The following KCNQ1 variants were observed in gnomAD, a reference collection of about 807,000 sequenced individuals.
KCNQ1 encodes potassium voltage-gated channel subfamily Q member 1.
A neutral mutation model predicts 72.4 loss-of-function variants in KCNQ1; 49 were observed. That is an observed-to-expected ratio of 0.68 (90% confidence interval 0.54 to 0.86). The LOEUF (loss-of-function observed/expected upper bound fraction) is 0.86. KCNQ1 is among the 40% of genes least tolerant of loss of function. KCNQ1 has a pLI of 0.00. For synonymous variants in KCNQ1, 450 were observed against 412.6 expected (o/e 1.09, Z -1.10); for missense variants, 790 against 945.1 (o/e 0.84, Z 2.15).
rs1472311135 is a variant in KCNQ1 at position 2,479,121 on chromosome 11, C to G, written c.386+33637C>G. Among the ~76,000 whole-genome samples, 1 of 152,230 alleles carries G rather than the reference C, an allele frequency of 6.6e-6. No individual in the cohort carries two copies. The highest frequency in any genetic ancestry group is 2.4e-5 in the African/African-American group (1 of 41,464). ...TCTGCCCCTCTGGCTTTGCAGGGTA[C>G]AGCCTCCCTCCTGGCTGCTTTCACA... On this transcript the variant is annotated intron_variant, in intron 1 of 15. Coordinates refer to ENST00000155840, the MANE Select transcript of KCNQ1 (RefSeq NM_000218.3). The surrounding 1 kb of genome is among the most constrained non-coding windows in gnomAD (Gnocchi z 4.6).
chr11:2,768,066 C>T lies in KCNQ1; in HGVS notation c.1515-778C>T, dbSNP rs1846528579. Among the ~76,000 whole-genome samples, 1 of 152,200 alleles carries T rather than the reference C, an allele frequency of 6.6e-6. No homozygotes were observed. The highest frequency in any genetic ancestry group is 2.1e-4 in the South Asian group (1 of 4,836). The stretch of plus-strand genomic sequence containing the variant: ...CCTCACCTTCTATGTCTTTCTTGGT[C>T]TCCAAAGCCTCACACAGCTGTTCCT... On this transcript the variant is annotated intron_variant, in intron 11 of 15. Transcript: ENST00000155840. The surrounding 1 kb of genome is among the most constrained non-coding windows in gnomAD (Gnocchi z 6.7).
chr11:2,566,448 C>T lies in KCNQ1; in HGVS notation c.478-4180C>T, dbSNP rs1848249352. Reference sequence around the variant, plus strand: ...TCCCCTAAGCTGCGGGTGACCTGACCTAGTTGAGCCTGGCTTTCCTCCTCT... The same window carrying T: ...TCCCCTAAGCTGCGGGTGACCTGACTTAGTTGAGCCTGGCTTTCCTCCTCT... On this transcript the variant is annotated intron_variant, in intron 2 of 15. Transcript: ENST00000155840. This position sits in a 1 kb window ranked among gnomAD's most constrained non-coding sequence, Gnocchi z 6.7. 6.6e-6 allele frequency among the ~76,000 whole-genome samples: 1 copy of T among 152,136 alleles called. No individual in the cohort carries two copies.
intron 10 of KCNQ1, among the ~76,000 whole-genome samples, chr11:2,589,756 C>G (rs1278638602): frequency 1.3e-5 from 2 of 152,242 alleles, no homozygotes; most frequent in Non-Finnish European, 2.9e-5. Flanking sequence ...AGCAGGTGAC[C>G]TGTGGTGATG....
In KCNQ1 at chr11:2,783,492, A is replaced by G. The variant is rs1488722826; in HGVS notation, c.1794+5455A>G. ...GTTAGTTGGTCTGTTCAAATCTTCT[A>G]TATTCTCATTGGAATGTTTTTATCT... is the stretch of plus-strand genomic sequence containing the variant. On this transcript the variant is annotated intron_variant, in intron 15 of 15. Coordinates refer to ENST00000155840, the MANE Select transcript of KCNQ1 (RefSeq NM_000218.3). This position sits in a 1 kb window ranked among gnomAD's most constrained non-coding sequence, Gnocchi z 5.2. 6.6e-6 allele frequency among the ~76,000 whole-genome samples: 1 copy of G among 152,040 alleles called. No homozygotes were observed. Among genetic ancestry groups the G allele is most frequent in the East Asian group, 1.9e-4 (1 of 5,206 alleles).
At chr11:2,836,689 G>A (rs762872569) in intron 15 of KCNQ1, among the ~76,000 whole-genome samples, 18 of 152,218 alleles carry the variant, frequency 1.2e-4, no homozygotes, top group Non-Finnish European at 1.8e-4. Flanking sequence ...CAAGTGTGTC[G>A]CATGGAAACA....
intron 11 of KCNQ1, among the ~76,000 whole-genome samples, chr11:2,727,862 G>A (rs980637543): frequency 3.9e-5 from 6 of 152,168 alleles, no homozygotes; most frequent in African/African-American, 7.2e-5. Flanking sequence ...CCAGGCATTC[G>A]TTCCTCTGTG....
intron 11 of KCNQ1, among the ~76,000 whole-genome samples, chr11:2,700,499 G>A (rs1850787660): frequency 6.6e-6 from 1 of 152,172 alleles, no homozygotes; most frequent in East Asian, 2.0e-4. Context: ...CCGCTGCAGC[G>A]ACCCTCGAAC....
rs889504289 is a variant in KCNQ1, at chr11:2,610,504, G to C, written c.1393+21650G>C. On this transcript the variant is annotated intron_variant, in intron 10 of 15. Coordinates refer to ENST00000155840, the MANE Select transcript of KCNQ1 (RefSeq NM_000218.3). ...CAACTGGTGGTATTTCCTTACTCTA[G>C]AACAGCTTTGCTCCTATTTACCTCC... The C allele has an allele frequency of 3.8e-5, 15 of 398,246 alleles. No individual in the cohort carries two copies. In the South Asian group the frequency reaches 6.4e-4, roughly 17 times the overall value. 24.7% of individuals were successfully genotyped at this position (398,246 alleles called of 1,614,324 possible). A position where few individuals can be genotyped will look rare whatever the true frequency, so the allele number is the denominator to read the frequency against.
intron 4 of KCNQ1, 139 bp downstream of exon 4, chr11:2,571,542 C>A: frequency 2.7e-6 from 2 of 743,916 alleles, no homozygotes; most frequent in South Asian, 1.5e-5. Context: ...GGGCACTGAG[C>A]CATGTGCTGG....
At position 2,642,485 on chromosome 11, in the gene KCNQ1, T is replaced by C. The variant is rs1849594787; in HGVS notation, c.1394-19476T>C. ...AATTTATTGATCAGACTGAAGAGTT[T>C]TGATTTTTGTATTTCATGGTATGAG... On this transcript the variant is annotated intron_variant, in intron 10 of 15. Coordinates refer to ENST00000155840, the MANE Select transcript of KCNQ1 (RefSeq NM_000218.3). The surrounding 1 kb of genome is among the most constrained non-coding windows in gnomAD (Gnocchi z 4.3). The C allele has an allele frequency of 5.0e-6, 2 of 398,094 alleles. No homozygotes were observed. Among genetic ancestry groups the C allele is most frequent in the African/African-American group, 2.1e-5 (1 of 48,744 alleles). The allele number at this position is 398,094 out of a possible 1,614,324, so 24.7% of individuals were successfully genotyped here. A position where few individuals can be genotyped will look rare whatever the true frequency, so the allele number is the denominator to read the frequency against.
At chr11:2,631,978 C>A (rs914991204) in intron 10 of KCNQ1, 2 of 396,054 alleles carry the variant, frequency 5.0e-6, no homozygotes, top group Non-Finnish European at 8.9e-6. Context: ...GTCAGGAGAT[C>A]GAGACCATCC....
At position 2,445,140 on chromosome 11, in the gene KCNQ1, C is replaced by G; in HGVS notation, c.42C>G (p.Arg14=). The G allele has an allele frequency of 8.9e-7, 1 of 1,125,082 alleles. No homozygotes were observed. The highest frequency in any genetic ancestry group is 1.1e-6 in the Non-Finnish European group (1 of 916,916). 69.7% of individuals were successfully genotyped at this position (1,125,082 alleles called of 1,614,324 possible). A position where few individuals can be genotyped will look rare whatever the true frequency, so the allele number is the denominator to read the frequency against. Residue 14 remains arginine, a synonymous_variant, in exon 1 of 16, where the codon CGC becomes CGG. Transcript: ENST00000155840. Reference sequence around the variant, plus strand: ...CCCCGCCCAGGGCCGAGAGGAAGCGCTGGGGTTGGGGCCGCCTGCCAGGCG... The same window carrying G: ...CCCCGCCCAGGGCCGAGAGGAAGCGGTGGGGTTGGGGCCGCCTGCCAGGCG... ...ASSPPRAERK[R]WGWGRLPGAR... is the part of the protein sequence containing the mutation.
intron 15 of KCNQ1, among the ~76,000 whole-genome samples, chr11:2,798,862 A>AT (rs1051488847): frequency 3.3e-5 from 5 of 152,114 alleles, no homozygotes; most frequent in East Asian, 3.9e-4. Context: ...TGATCTATGC[A>AT]TGTACATTTG....
chr11:2,737,915 C>G (rs1845986227), intron 11 of KCNQ1, among the ~76,000 whole-genome samples: 1 of 152,156 alleles, frequency 6.6e-6, no homozygotes, highest in Non-Finnish European at 1.5e-5. Flanking sequence ...GCCCCCTGCC[C>G]AGGGGAGGCA....
intron 10 of KCNQ1, chr11:2,629,196 C>A (rs932816159): frequency 5.0e-6 from 2 of 398,000 alleles, no homozygotes; most frequent in African/African-American, 2.1e-5. Flanking sequence ...ATAGCTATTT[C>A]GGCAATATTT....
At chr11:2,460,200 G>A (rs543759916) in intron 1 of KCNQ1, among the ~76,000 whole-genome samples, 3 of 152,176 alleles carry the variant, frequency 2.0e-5, no homozygotes, top group African/African-American at 2.4e-5. Flanking sequence ...GCAGGACTCC[G>A]GGGCAGGGTG....
chr11:2,579,656 G>A lies in KCNQ1; in HGVS notation c.922-3779G>A, dbSNP rs1393773367. On this transcript the variant is annotated intron_variant, in intron 6 of 15. Coordinates refer to ENST00000155840, the MANE Select transcript of KCNQ1 (RefSeq NM_000218.3). The surrounding 1 kb of genome is among the most constrained non-coding windows in gnomAD (Gnocchi z 6.0). ...AGACAGGCAGACCAGGCGAAGGTGG[G>A]GTCCTGGAGCTGCGTCCTGCTGTAT... 1.3e-5 allele frequency among the ~76,000 whole-genome samples: 2 copies of A among 152,160 alleles called. No individual in the cohort carries two copies. The highest frequency in any genetic ancestry group is 1.9e-4 in the East Asian group (1 of 5,176).
At chr11:2,733,200 T>TCCCACC (rs1329529196) in intron 11 of KCNQ1, among the ~76,000 whole-genome samples, 6 of 92,226 alleles carry the variant, frequency 6.5e-5, no homozygotes, top group African/African-American at 1.6e-4. Context: ...TGAGATCCAC[T>TCCCACC]CCCACCCCCA....
rs1472507263 is a variant in KCNQ1 at position 2,537,971 on chromosome 11, C to T, written c.477+9953C>T. ...GTTCAAACAATCCTCCCACCTCGGC[C>T]AACCCAAAGTGCTGAGATTATAGGC... On this transcript the variant is annotated intron_variant, in intron 2 of 15. Coordinates refer to ENST00000155840, the MANE Select transcript of KCNQ1 (RefSeq NM_000218.3). This position sits in a 1 kb window ranked among gnomAD's most constrained non-coding sequence, Gnocchi z 5.2. Among the ~76,000 whole-genome samples the T allele has an allele frequency of 6.6e-6, 1 of 152,194 alleles. No homozygotes were observed. Among genetic ancestry groups the T allele is most frequent in the Non-Finnish European group, 1.5e-5 (1 of 68,042 alleles).
Sources: gnomAD v4.1 joint callset for allele counts (sites outside exome capture counted in the v4.1 genomes callset) on GRCh38, gnomAD v4.1.1 for gene constraint, Gnocchi (gnomAD v3.1) non-coding constraint, MANE v1.5 for transcripts, NCBI Gene and HGNC (gene_info 2026-07-23, HGNC 2026-07-21) for gene names.